The following ARHGEF26 variants were observed in gnomAD, a reference collection of about 807,000 sequenced individuals.
ARHGEF26 encodes Rho guanine nucleotide exchange factor 26.
A neutral mutation model predicts 89.4 loss-of-function variants in ARHGEF26; 59 were observed. That is an observed-to-expected ratio of 0.66 (90% CI 0.54 to 0.82). The LOEUF (loss-of-function observed/expected upper bound fraction) is 0.82. Ranked by LOEUF, ARHGEF26 falls within the 40% of genes least tolerant of loss-of-function variation. The probability of loss-of-function intolerance (pLI) is 0.00; values close to 1 mark genes in which losing one functional copy is unlikely to be tolerated. For missense variants in ARHGEF26, 1,234 were observed against 1,085.6 expected (o/e 1.14, Z -1.92); for synonymous variants, 500 against 428.4 (o/e 1.17, Z -2.06).
chr3:154,168,154 A>G (rs1712165320), intron 6 of ARHGEF26, among the ~76,000 whole-genome samples: 1 of 152,218 alleles, frequency 6.6e-6, no homozygotes, highest in Non-Finnish European at 1.5e-5. Context: ...TCTGTAATTT[A>G]CAGATAGTAT....
chr3:154,122,590 C>G lies in ARHGEF26; in HGVS notation c.598C>G (p.Arg200Gly). The G allele has an allele frequency of 1.2e-6, 2 of 1,613,642 alleles. No homozygotes were observed. Among genetic ancestry groups the G allele is most frequent in the South Asian group, 2.2e-5 (2 of 91,076 alleles). ...QSGRKAKDPE[R>G]GLFPGPQKSS... ...CGGCCGGAAGGCAAAGGACCCCGAA[C>G]GGGGGCTCTTTCCTGGGCCCCAGAA... The change falls in exon 2 of 15, where the codon CGG (arginine) becomes GGG (glycine). Residue 200 changes from arginine to glycine, a missense_variant. Physicochemically the swap from Arg to Gly is moderately radical, Grantham distance 125. Transcript: ENST00000465093.
At chr3:154,244,614 G>A (rs192942546) in intron 12 of ARHGEF26, among the ~76,000 whole-genome samples, 126 of 151,988 alleles carry the variant, frequency 8.3e-4, no homozygotes, top group African/African-American at 2.8e-3. Flanking sequence ...AAAGGTCCTC[G>A]TTTATACAAT....
chr3:154,236,659 T>C (rs766705453), intron 11 of ARHGEF26, among the ~76,000 whole-genome samples: 4 of 152,156 alleles, frequency 2.6e-5, no homozygotes, highest in East Asian at 1.9e-4. Context: ...TCCATACTTA[T>C]TGGACATGGG....
chr3:154,166,628 G>C (rs1313668596), intron 6 of ARHGEF26, among the ~76,000 whole-genome samples: 1 of 152,138 alleles, frequency 6.6e-6, no homozygotes, highest in African/African-American at 2.4e-5. Flanking sequence ...GTTTGGCATG[G>C]TAAAAGTTTG....
chr3:154,208,802 A>G (rs1447260704), intron 9 of ARHGEF26, among the ~76,000 whole-genome samples: 6 of 126,786 alleles, frequency 4.7e-5, no homozygotes, highest in Admixed American at 9.7e-5. Context: ...GTCTCACTCT[A>G]TCACCCAGGC....
intron 13 of ARHGEF26, among the ~76,000 whole-genome samples, chr3:154,253,978 CTA>C (rs1398434110): frequency 1.3e-5 from 2 of 152,164 alleles, no homozygotes. Flanking sequence ...CGCTCTGGTG[CTA>C]TCTCAGCTCA....
intron 6 of ARHGEF26, among the ~76,000 whole-genome samples, chr3:154,181,853 C>A (rs1713204200): frequency 6.6e-6 from 1 of 151,968 alleles, no homozygotes; most frequent in Admixed American, 6.6e-5. Flanking sequence ...AGAGACTGAC[C>A]CAATTTGTGG....
At chr3:154,196,919 TAGGA>T (rs1416804174) in intron 9 of ARHGEF26, among the ~76,000 whole-genome samples, 1 of 151,746 alleles carries the variant, frequency 6.6e-6, no homozygotes, top group Non-Finnish European at 1.5e-5. Flanking sequence ...GAGAAAAAAA[TAGGA>T]AGGTACTAGT....
At chr3:154,178,416 G>T (rs528129639) in intron 6 of ARHGEF26, among the ~76,000 whole-genome samples, 1 of 152,128 alleles carries the variant, frequency 6.6e-6, no homozygotes, top group South Asian at 2.1e-4. Flanking sequence ...CACTTCCCCA[G>T]CTCTAGGCTG....
rs1196796318 is a variant in ARHGEF26 at position 154,221,524 on chromosome 3, CTAT to C, written c.1935+3573_1935+3575del. Among the ~76,000 whole-genome samples, 5 of 152,052 alleles carry C rather than the reference CTAT, an allele frequency of 3.3e-5. No homozygotes were observed. In the South Asian group the frequency reaches 6.2e-4, roughly 19 times the overall value. ...TGTATAAAATTAAACACACACTGAG[CTAT>C]TATTATAGTGTTGTTTGTAATAGTG... On this transcript the variant is annotated intron_variant, in intron 10 of 14. Transcript: ENST00000465093.
chr3:154,214,093 C>A (rs950247373), intron 9 of ARHGEF26, among the ~76,000 whole-genome samples: 1 of 152,096 alleles, frequency 6.6e-6, no homozygotes, highest in African/African-American at 2.4e-5. Context: ...GAAGGTGGGA[C>A]ACAGCATATG....
chr3:154,177,691 A>G (rs1330452032), intron 6 of ARHGEF26, among the ~76,000 whole-genome samples: 1 of 152,120 alleles, frequency 6.6e-6, no homozygotes, highest in Admixed American at 6.5e-5. Flanking sequence ...GAAGCAAATA[A>G]CTGGGCCCTG....
At chr3:154,158,975 G>A (rs1308481755) in intron 6 of ARHGEF26, among the ~76,000 whole-genome samples, 1 of 152,020 alleles carries the variant, frequency 6.6e-6, no homozygotes, top group African/African-American at 2.4e-5. Flanking sequence ...CCTATTAAAA[G>A]ACTGATACTA....
intron 9 of ARHGEF26, among the ~76,000 whole-genome samples, chr3:154,207,768 A>G (rs1206157716): frequency 6.6e-6 from 1 of 152,356 alleles, no homozygotes; most frequent in East Asian, 1.9e-4. Flanking sequence ...AGGAATAGGA[A>G]TCGTTCTGTT....
rs766757043 is a variant in ARHGEF26, at chr3:154,186,165, A to ACACACC, written c.1488-1519_1488-1518insACACCC. Among the ~76,000 whole-genome samples, 275 of 150,254 alleles carry ACACACC rather than the reference A, an allele frequency of 1.8e-3. 5 individuals are homozygous for ACACACC. The East Asian group carries it at 0.038, about 21-fold the overall frequency. ...CACACACACACACACACACACACAC[A>ACACACC]CCCCTATACACATACTATTGTACAG... On this transcript the variant is annotated intron_variant, in intron 6 of 14. Transcript: ENST00000465093.
chr3:154,140,391 C>T (rs1719285734), intron 4 of ARHGEF26, among the ~76,000 whole-genome samples: 1 of 152,150 alleles, frequency 6.6e-6, no homozygotes, highest in African/African-American at 2.4e-5. Flanking sequence ...ACAGCCTCTG[C>T]AGTGACCTCA....
rs544976527 is a variant in ARHGEF26, at chr3:154,132,665, T to A, written c.1269+2946T>A. Among the ~76,000 whole-genome samples, 82 of 152,222 alleles carry A rather than the reference T, an allele frequency of 5.4e-4. No individual in the cohort carries two copies. The South Asian group carries it at 6.6e-3, about 12-fold the overall frequency. On this transcript the variant is annotated intron_variant, in intron 4 of 14. Transcript: ENST00000465093. ...CCTCCTGGTAGTGAAGCTGCAGCGT[T>A]TAGGGCAGGTCTCAGAAGACTTTCA...
chr3:154,214,995 A>G (rs1715627018), intron 9 of ARHGEF26, among the ~76,000 whole-genome samples: 1 of 152,226 alleles, frequency 6.6e-6, no homozygotes. Flanking sequence ...AATAGGAAAT[A>G]GAATAAATAT....
chr3:154,153,349 C>T (rs1233899446), intron 6 of ARHGEF26, among the ~76,000 whole-genome samples: 1 of 151,942 alleles, frequency 6.6e-6, no homozygotes, highest in African/African-American at 2.4e-5. Flanking sequence ...TTTTGCTTTA[C>T]TTTTTGTCAT....
Sources: gnomAD v4.1 joint callset for allele counts (sites outside exome capture counted in the v4.1 genomes callset) on GRCh38, gnomAD v4.1.1 for gene constraint, MANE v1.5 for transcripts, NCBI Gene and HGNC (gene_info 2026-07-23, HGNC 2026-07-21) for gene names.